LRRC37A2: variants seen among roughly 807,000 people sequenced by gnomAD.
LRRC37A2 encodes the protein leucine rich repeat containing 37 member A2.
Under a neutral mutation model 68.8 loss-of-function variants are expected in LRRC37A2, and 9 were observed. The observed-to-expected ratio is 0.13, with a 90% CI of 0.08 to 0.23. The LOEUF (loss-of-function observed/expected upper bound fraction) is 0.23, where lower values mean the gene tolerates loss of function less well. Ranked by LOEUF, LRRC37A2 falls within the 10% of genes least tolerant of loss-of-function variation. The pLI, the probability that LRRC37A2 is intolerant of heterozygous loss-of-function variation, is 1.00. For synonymous variants in LRRC37A2, 63 were observed against 367.6 expected (o/e 0.17, Z 9.48); for missense variants, 168 against 950.4 (o/e 0.18, Z 10.82).
chr17:46,727,183 A>G, the LRRC37A2 span, among the ~76,000 whole-genome samples: 1 of 152,334 alleles, frequency 6.6e-6, no homozygotes, highest in African/African-American at 2.4e-5. Context: ...GCAGTATAGT[A>G]ATTTTTAAAA....
At chr17:46,891,918 C>CTTTTTTTTTTTTTTTTTTTTTTTTTTTTT in the LRRC37A2 span, among the ~76,000 whole-genome samples, 1 of 71,816 alleles carries the variant, frequency 1.4e-5, no homozygotes, top group Non-Finnish European at 2.8e-5. Context: ...CTTTTCTTTT[C>CTTTTTTTTTTTTTTTTTTTTTTTTTTTTT]TTTTTTTTTT....
chr17:46,863,316 T>G, the LRRC37A2 span, among the ~76,000 whole-genome samples: 1 of 152,174 alleles, frequency 6.6e-6, no homozygotes. Flanking sequence ...GTTAGACACC[T>G]AAGGGGCATA....
chr17:46,935,718 C>T, the LRRC37A2 span: 1 of 988,940 alleles, frequency 1.0e-6, no homozygotes, highest in African/African-American at 1.7e-5. Context: ...AGCGACTCTT[C>T]ACTCCCTAGC....
Position 46,550,765 on chromosome 17 carries a change from G to A in LRRC37A2, c.4809+246G>A, listed in dbSNP as rs2056703741. On this transcript the variant is annotated intron_variant, in intron 11 of 14. Transcript: ENST00000576629. ...TGTGAATCCCACTAGACTATTTTAA[G>A]AAGTCGAAAATTTCTCCCACCCAAA... 3.7e-5 allele frequency among the ~76,000 whole-genome samples: 3 copies of A among 80,882 alleles called. 1 individual carries two copies. Among genetic ancestry groups the A allele is most frequent in the East Asian group, 2.4e-4 (1 of 4,184 alleles). The allele number at this position is 80,882 out of a possible 152,430, so 53.1% of individuals were successfully genotyped here.
the LRRC37A2 span, chr17:47,024,632 T>C: frequency 5.7e-6 from 6 of 1,044,484 alleles, no homozygotes; most frequent in South Asian, 2.5e-5. Flanking sequence ...GTGTAGCAAA[T>C]AGTTGTAGTT....
the LRRC37A2 span, among the ~76,000 whole-genome samples, chr17:46,785,316 C>T: frequency 1.3e-5 from 2 of 152,202 alleles, no homozygotes; most frequent in Non-Finnish European, 2.9e-5. Flanking sequence ...ACCTGTCACC[C>T]TGCATTGTGT....
the LRRC37A2 span, among the ~76,000 whole-genome samples, chr17:46,822,312 G>A: frequency 1.3e-5 from 2 of 152,222 alleles, no homozygotes; most frequent in East Asian, 1.9e-4. Context: ...GGTGGTGGGC[G>A]CAGGAGTAAA....
chr17:46,902,461 C>CGTGTGTGTGTGT, the LRRC37A2 span, among the ~76,000 whole-genome samples: 125 of 148,108 alleles, frequency 8.4e-4, no homozygotes, highest in African/African-American at 2.5e-3. Flanking sequence ...GGGAACAGTG[C>CGTGTGTGTGTGT]GTGTGTGTGT....
At chr17:47,027,114 T>A in the LRRC37A2 span, among the ~76,000 whole-genome samples, 1 of 152,162 alleles carries the variant, frequency 6.6e-6, no homozygotes, top group Non-Finnish European at 1.5e-5. Context: ...GGTTTCACCG[T>A]GTTAGCCAGG....
the LRRC37A2 span, among the ~76,000 whole-genome samples, chr17:46,722,768 G>A: frequency 6.6e-6 from 1 of 152,182 alleles, no homozygotes; most frequent in Admixed American, 6.5e-5. Context: ...AGGGATGTGT[G>A]TGTATGTATG....
the LRRC37A2 span, among the ~76,000 whole-genome samples, chr17:46,845,551 ACAAT>A: frequency 7.1e-6 from 1 of 141,742 alleles, no homozygotes; most frequent in South Asian, 2.3e-4. Context: ...GTGCAGTGGC[ACAAT>A]CTCGGCTCAC....
chr17:47,039,895 T>C, the LRRC37A2 span, among the ~76,000 whole-genome samples: 9 of 151,108 alleles, frequency 6.0e-5, no homozygotes, highest in African/African-American at 2.2e-4. Flanking sequence ...ACAATCTCAA[T>C]TAACCTTCAA....
chr17:46,493,488 G>A, the LRRC37A2 span, among the ~76,000 whole-genome samples: 1 of 126,688 alleles, frequency 7.9e-6, no homozygotes, highest in Admixed American at 7.8e-5. Flanking sequence ...TATTTAAGAT[G>A]TTTAATTGGG....
At chr17:46,981,774 A>G in the LRRC37A2 span, among the ~76,000 whole-genome samples, 1 of 152,148 alleles carries the variant, frequency 6.6e-6, no homozygotes, top group African/African-American at 2.4e-5. Flanking sequence ...TGGTGCAATC[A>G]CAACTCACTA....
At chr17:46,786,128 A>G in the LRRC37A2 span, among the ~76,000 whole-genome samples, 3 of 120,540 alleles carry the variant, frequency 2.5e-5, no homozygotes, top group African/African-American at 9.6e-5. Context: ...GGAGGGTGCG[A>G]GAGAGGGATT....
At chr17:46,818,761 G>T in the LRRC37A2 span, 1 of 736,234 alleles carries the variant, frequency 1.4e-6, no homozygotes, top group Admixed American at 2.2e-5. Context: ...GCGCGGAGCA[G>T]CCGGGTTTGA....
At chr17:46,848,189 G>A in the LRRC37A2 span, among the ~76,000 whole-genome samples, 1 of 152,186 alleles carries the variant, frequency 6.6e-6, no homozygotes, top group Non-Finnish European at 1.5e-5. Context: ...GGAACAGTGG[G>A]GGTCTGTGTG....
At chr17:46,756,021 G>A in the LRRC37A2 span, 1 of 563,380 alleles carries the variant, frequency 1.8e-6, no homozygotes. Flanking sequence ...CGTGGAAGGT[G>A]TCAATTTGGT....
At chr17:47,024,304 C>T in the LRRC37A2 span, among the ~76,000 whole-genome samples, 1 of 152,204 alleles carries the variant, frequency 6.6e-6, no homozygotes, top group Admixed American at 6.5e-5. Flanking sequence ...GCAGCCCTGA[C>T]ATGGTTCCAT....
Sources: gnomAD v4.1 joint callset for allele counts (sites outside exome capture counted in the v4.1 genomes callset) on GRCh38, gnomAD v4.1.1 for gene constraint, MANE v1.5 for transcripts, NCBI Gene and HGNC (gene_info 2026-07-23, HGNC 2026-07-21) for gene names.